Variants in PRKAR1B observed in about 807,000 individuals in gnomAD.
PRKAR1B encodes protein kinase cAMP-dependent type I regulatory subunit beta.
PRKAR1B carries 22 observed loss-of-function variants against 46.5 expected under a neutral mutation model. That is an observed-to-expected ratio of 0.47 (90% CI 0.34 to 0.68). PRKAR1B has a LOEUF of 0.68. PRKAR1B is among the 30% of genes least tolerant of loss of function. The pLI, the probability that PRKAR1B is intolerant of heterozygous loss-of-function variation, is 0.01. For synonymous variants in PRKAR1B, 259 were observed against 217.7 expected, an observed-to-expected ratio of 1.19 and a Z score of -1.67; for missense variants, 445 against 535.6, an observed-to-expected ratio of 0.83 and a Z score of 1.67.
chr7:574,372 C>A (rs144836746), intron 9 of PRKAR1B, among the ~76,000 whole-genome samples: 22 of 152,306 alleles, frequency 1.4e-4, no homozygotes, highest in Middle Eastern at 6.8e-3. Flanking sequence ...TCAGCTCCAG[C>A]TGGGTAGGGC....
At chr7:562,351 C>T (rs1036341680) in intron 9 of PRKAR1B, among the ~76,000 whole-genome samples, 3 of 152,186 alleles carry the variant, frequency 2.0e-5, no homozygotes, top group South Asian at 4.1e-4. Context: ...CAACCCCAAG[C>T]GTCCCAGTGA....
upstream of PRKAR1B, among the ~76,000 whole-genome samples, chr7:728,185 G>C (rs1267351302): frequency 6.6e-6 from 1 of 152,052 alleles, no homozygotes. Context: ...GCAGGGTCTT[G>C]CCCTTTCCCT....
intron 4 of PRKAR1B, among the ~76,000 whole-genome samples, chr7:675,941 G>C (rs1163442025): frequency 6.6e-6 from 1 of 152,108 alleles, no homozygotes; most frequent in African/African-American, 2.4e-5. Context: ...GCAAGACTCT[G>C]TCTAAAATAA....
chr7:663,989 G>A (rs1583382959), intron 4 of PRKAR1B, among the ~76,000 whole-genome samples: 2 of 152,282 alleles, frequency 1.3e-5, no homozygotes, highest in Admixed American at 6.5e-5. Flanking sequence ...GAGCCTCAGG[G>A]TCCCCCCCGA....
At chr7:642,527 C>T (rs1784439149) in intron 4 of PRKAR1B, among the ~76,000 whole-genome samples, 1 of 151,996 alleles carries the variant, frequency 6.6e-6, no homozygotes, top group African/African-American at 2.4e-5. Flanking sequence ...AGATCGAGAC[C>T]ATCCCGGCTA....
intron 4 of PRKAR1B, among the ~76,000 whole-genome samples, chr7:642,247 G>T (rs1190153354): frequency 6.6e-6 from 1 of 152,156 alleles, no homozygotes; most frequent in Non-Finnish European, 1.5e-5. Context: ...CATGGTGGAC[G>T]GGGGTGGAAG....
At chr7:698,835 C>A (rs955198417) in intron 2 of PRKAR1B, among the ~76,000 whole-genome samples, 1 of 152,132 alleles carries the variant, frequency 6.6e-6, no homozygotes, top group African/African-American at 2.4e-5. Context: ...AGTGTGTGTA[C>A]ATGTCACTCA....
At chr7:557,816 T>G (rs1484350620) in intron 9 of PRKAR1B, among the ~76,000 whole-genome samples, 4 of 152,132 alleles carry the variant, frequency 2.6e-5, no homozygotes, top group Non-Finnish European at 5.9e-5. Context: ...TGGGTTTTTT[T>G]GGGCTGGAAA....
intron 9 of PRKAR1B, among the ~76,000 whole-genome samples, chr7:566,649 TCAC>T (rs1779179693): frequency 8.3e-5 from 1 of 12,040 alleles, no homozygotes; most frequent in African/African-American, 2.2e-4. Context: ...AGCACCTTGA[TCAC>T]CATCATCACC....
At chr7:705,117 C>G (rs974977125) in intron 2 of PRKAR1B, among the ~76,000 whole-genome samples, 1 of 151,776 alleles carries the variant, frequency 6.6e-6, no homozygotes, top group South Asian at 2.1e-4. Flanking sequence ...CATGGTGAAA[C>G]CCCATCTCTA....
At chr7:553,192 G>A (rs1034192194) in intron 9 of PRKAR1B, among the ~76,000 whole-genome samples, 1 of 152,232 alleles carries the variant, frequency 6.6e-6, no homozygotes, top group Non-Finnish European at 1.5e-5. Context: ...ATGTCCCGCT[G>A]ACACTAGAGC....
chr7:588,257 C>T (rs907041789), intron 7 of PRKAR1B, among the ~76,000 whole-genome samples: 1 of 152,372 alleles, frequency 6.6e-6, no homozygotes, highest in African/African-American at 2.4e-5. Context: ...GCATGGAGGA[C>T]ACAGTGGGCA....
At chr7:550,806 G>A (rs557353759) in intron 10 of PRKAR1B, among the ~76,000 whole-genome samples, 3 of 152,236 alleles carry the variant, frequency 2.0e-5, no homozygotes, top group Non-Finnish European at 4.4e-5. Context: ...TTTATTATCT[G>A]AAATTCACGT....
chr7:566,294 T>C (rs1158955253), intron 9 of PRKAR1B, among the ~76,000 whole-genome samples: 1 of 143,988 alleles, frequency 6.9e-6, no homozygotes, highest in Non-Finnish European at 1.5e-5. Context: ...TTCACCTTCA[T>C]CATCACCATC....
chr7:595,000 C>T (rs545726582), intron 7 of PRKAR1B, among the ~76,000 whole-genome samples: 69 of 152,366 alleles, frequency 4.5e-4, no homozygotes, highest in African/African-American at 1.6e-3. Context: ...TGGCCCCAAA[C>T]CGGCCCAGGG....
chr7:560,321 G>A lies in PRKAR1B; in HGVS notation c.892-8851C>T, dbSNP rs1285775704. On this transcript the variant is annotated intron_variant, in intron 9 of 10. Transcript: ENST00000537384. This position sits in a 1 kb window ranked among gnomAD's most constrained non-coding sequence, Gnocchi z 4.2. ...TTTTCTTTATAAATTACCCAGTCTCGGGCATTTCTTCATAGCAGTGTTAGA... is the reference window on the plus strand; with the variant it reads ...TTTTCTTTATAAATTACCCAGTCTCAGGCATTTCTTCATAGCAGTGTTAGA... 1.3e-5 allele frequency among the ~76,000 whole-genome samples: 2 copies of A among 150,434 alleles called. No homozygotes were observed. Among genetic ancestry groups the A allele is most frequent in the South Asian group, 2.1e-4 (1 of 4,770 alleles).
rs118100991 is a variant in PRKAR1B, at chr7:714,764, T to C, written c.-22-3237A>G. On this transcript the variant is annotated intron_variant, in intron 1 of 10. Coordinates refer to ENST00000537384, the MANE Select transcript of PRKAR1B (RefSeq NM_001164760.2). This position sits in a 1 kb window ranked among gnomAD's most constrained non-coding sequence, Gnocchi z 4.3. ...CCTTAGTGTCCTGCTCACTGTCTGA[T>C]CATTGCCAGAGGATGAAATCAACAC... 0.011 allele frequency among the ~76,000 whole-genome samples: 1,687 copies of C among 152,316 alleles called. 25 individuals are homozygous for C. The highest frequency in any genetic ancestry group is 0.1 in the East Asian group (531 of 5,174).
intron 4 of PRKAR1B, among the ~76,000 whole-genome samples, chr7:672,793 G>A (rs181139183): frequency 3.7e-4 from 56 of 152,058 alleles, no homozygotes; most frequent in East Asian, 3.3e-3. Flanking sequence ...GCTTGAACCC[G>A]GAGGCGGACA....
chr7:699,220 G>A (rs1000094680), intron 2 of PRKAR1B, among the ~76,000 whole-genome samples: 2 of 152,032 alleles, frequency 1.3e-5, no homozygotes, highest in Admixed American at 6.5e-5. Context: ...GGGAACCCAC[G>A]TTCTCTCTCC....
Sources: gnomAD v4.1 joint callset for allele counts (sites outside exome capture counted in the v4.1 genomes callset) on GRCh38, gnomAD v4.1.1 for gene constraint, Gnocchi (gnomAD v3.1) non-coding constraint, MANE v1.5 for transcripts, NCBI Gene and HGNC (gene_info 2026-07-23, HGNC 2026-07-21) for gene names.